The following ANO1 variants were observed in gnomAD, a reference collection of about 807,000 sequenced individuals.
ANO1 encodes the protein anoctamin 1.
A neutral mutation model predicts 124.0 loss-of-function variants in ANO1; 59 were observed. The observed-to-expected ratio is 0.48, with a 90% CI of 0.39 to 0.59. The LOEUF (loss-of-function observed/expected upper bound fraction) is 0.59. ANO1 is among the 20% of genes least tolerant of loss of function. The pLI, the probability that ANO1 is intolerant of heterozygous loss-of-function variation, is 0.00. For missense variants in ANO1, 1,059 were observed against 1,328.0 expected (o/e 0.80, Z 3.15); for synonymous variants, 529 against 532.0 (o/e 0.99, Z 0.08).
chr11:70,019,322 A>G (rs1856760134), intron 1 of ANO1, among the ~76,000 whole-genome samples: 2 of 147,244 alleles, frequency 1.4e-5, no homozygotes, highest in African/African-American at 5.0e-5. Context: ...GCACATGCAC[A>G]CACACGCACG....
At chr11:69,974,946 G>A in the ANO1 span, among the ~76,000 whole-genome samples, 4 of 152,136 alleles carry the variant, frequency 2.6e-5, no homozygotes, top group South Asian at 2.1e-4. Flanking sequence ...ATGACCATGT[G>A]GGGACACAGG....
In ANO1 at chr11:70,095,280, G is replaced by GA. The variant is rs1312262870; in HGVS notation, c.441+7198dup. ...GGAAGGAAGGAAGGAAGGAAGGAAG[G>GA]AAGGAAGGAAGGAAGGAAGGAAAGA... On this transcript the variant is annotated intron_variant, in intron 2 of 25. Transcript: ENST00000355303. 6.7e-5 allele frequency among the ~76,000 whole-genome samples: 7 copies of GA among 103,860 alleles called. 1 individual carries two copies. The highest frequency in any genetic ancestry group is 3.0e-4 in the African/African-American group (7 of 23,070). 68.1% of individuals were successfully genotyped at this position (103,860 alleles called of 152,430 possible). A position where few individuals can be genotyped will look rare whatever the true frequency, so the allele number is the denominator to read the frequency against.
intron 19 of ANO1, 141 bp from the exon 20 acceptor site, chr11:70,165,329 C>T: frequency 2.9e-6 from 2 of 686,770 alleles, no homozygotes; most frequent in Admixed American, 5.2e-5. Flanking sequence ...GCCACGTTCC[C>T]AGGTGGCGGG....
At chr11:70,107,259 C>A (rs1444451709) in intron 5 of ANO1, among the ~76,000 whole-genome samples, 2 of 152,088 alleles carry the variant, frequency 1.3e-5, no homozygotes, top group African/African-American at 2.4e-5. Flanking sequence ...CATTTATAAT[C>A]CGGCAGGTGG....
intron 10 of ANO1, among the ~76,000 whole-genome samples, chr11:70,127,222 C>T (rs2046559361): frequency 6.6e-6 from 1 of 152,016 alleles, no homozygotes; most frequent in Non-Finnish European, 1.5e-5. Context: ...CTGGTGCTCC[C>T]GGGAGGTGAG....
chr11:70,180,172 C>A, intron 23 of ANO1, 116 bp downstream of exon 23: 1 of 949,036 alleles, frequency 1.1e-6, no homozygotes, highest in Non-Finnish European at 1.7e-6. Flanking sequence ...ATGGTGCAGC[C>A]CCAGGCTGCC....
At chr11:70,029,114 C>G (rs1158785250) in intron 1 of ANO1, among the ~76,000 whole-genome samples, 1 of 152,206 alleles carries the variant, frequency 6.6e-6, no homozygotes, top group Non-Finnish European at 1.5e-5. Flanking sequence ...CAGGGCTCTG[C>G]TGGGTCCCTG....
At chr11:70,095,431 GA>G (rs1290265469) in intron 2 of ANO1, among the ~76,000 whole-genome samples, 13 of 132,320 alleles carry the variant, frequency 9.8e-5, no homozygotes, top group South Asian at 2.5e-4. Flanking sequence ...AGAAAGAAAA[GA>G]AAAGAAAGAA....
At chr11:70,105,203 G>T (rs1017218398) in intron 4 of ANO1, among the ~76,000 whole-genome samples, 5 of 152,136 alleles carry the variant, frequency 3.3e-5, no homozygotes, top group African/African-American at 9.7e-5. Context: ...AGCTCTCCCC[G>T]AAGTGCCTTG....
At chr11:70,115,544 G>A (rs1342640558) in intron 7 of ANO1, among the ~76,000 whole-genome samples, 4 of 152,022 alleles carry the variant, frequency 2.6e-5, no homozygotes, top group African/African-American at 7.2e-5. Context: ...ACCTGGAAGC[G>A]AAGGTTGCAG....
intron 1 of ANO1, among the ~76,000 whole-genome samples, chr11:70,019,066 G>A (rs2134992031): frequency 6.6e-6 from 1 of 152,360 alleles, no homozygotes. Context: ...TGGGTGCCAG[G>A]GAGGGCTTCT....
At chr11:70,156,189 C>T (rs555251698) in intron 15 of ANO1, among the ~76,000 whole-genome samples, 23 of 144,272 alleles carry the variant, frequency 1.6e-4, no homozygotes, top group Admixed American at 2.1e-4. Flanking sequence ...GTGGCGGGGA[C>T]GGGGGTGGGG....
At chr11:70,167,869 C>T (rs543037162) in intron 21 of ANO1, among the ~76,000 whole-genome samples, 2 of 152,298 alleles carry the variant, frequency 1.3e-5, no homozygotes, top group African/African-American at 2.4e-5. Flanking sequence ...GGTCCCTCCT[C>T]TCAGCTCCAA....
At chr11:70,042,177 C>G (rs1555005132) in intron 1 of ANO1, among the ~76,000 whole-genome samples, 1 of 152,048 alleles carries the variant, frequency 6.6e-6, no homozygotes, top group Non-Finnish European at 1.5e-5. Context: ...CTGTCCCTTC[C>G]CCAGCCTTAA....
chr11:70,138,811 A>T (rs1231803637), intron 11 of ANO1, among the ~76,000 whole-genome samples: 1 of 151,690 alleles, frequency 6.6e-6, no homozygotes, highest in Non-Finnish European at 1.5e-5. Flanking sequence ...CTCAGAGGTG[A>T]CATGTGCTGA....
In ANO1 at chr11:70,123,255, C is replaced by T. The variant is rs546858881; in HGVS notation, c.898-1095C>T. Among the ~76,000 whole-genome samples, 7 of 152,320 alleles carry T rather than the reference C, an allele frequency of 4.6e-5. No individual in the cohort carries two copies. The South Asian group carries it at 1.0e-3, about 23-fold the overall frequency. ...AGGCTGGTGGTTTCGGGGGGCTGTG[C>T]AGCAGCAGGCGGCCCCTCTATGGAT... On this transcript the variant is annotated intron_variant, in intron 8 of 25. Transcript: ENST00000355303.
At chr11:70,092,492 T>G (rs2044672631) in intron 2 of ANO1, among the ~76,000 whole-genome samples, 2 of 152,124 alleles carry the variant, frequency 1.3e-5, no homozygotes, top group South Asian at 4.1e-4. Context: ...GAGTGACAGC[T>G]TCCAGCTTTG....
At chr11:70,115,477 G>A (rs1016926366) in intron 7 of ANO1, among the ~76,000 whole-genome samples, 2 of 152,118 alleles carry the variant, frequency 1.3e-5, no homozygotes, top group African/African-American at 4.8e-5. Context: ...GCCGGGTGTG[G>A]TGGTGGGCAC....
chr11:70,163,404 T>C (rs2048131576), intron 19 of ANO1, 64 bp downstream of exon 19: 1 of 1,572,980 alleles, frequency 6.4e-7, no homozygotes, highest in Non-Finnish European at 8.7e-7. Context: ...GTCTACACCA[T>C]GCACTTGGGA....
Sources: gnomAD v4.1 joint callset for allele counts (sites outside exome capture counted in the v4.1 genomes callset) on GRCh38, gnomAD v4.1.1 for gene constraint, MANE v1.5 for transcripts, NCBI Gene and HGNC (gene_info 2026-07-23, HGNC 2026-07-21) for gene names.